Variants in ZNF521 observed in about 807,000 individuals in gnomAD.
The protein encoded by ZNF521 is zinc finger protein 521.
ZNF521 carries 14 observed loss-of-function variants against 105.5 expected under a neutral mutation model. The ratio of observed to expected loss-of-function variants is 0.13; its 90% CI spans 0.09 to 0.21. The LOEUF is 0.21. Ranked by LOEUF, ZNF521 falls within the 10% of genes least tolerant of loss-of-function variation. The pLI is 1.00. For missense variants in ZNF521, 1,233 were observed against 1,629.7 expected (o/e 0.76, Z 4.19); for synonymous variants, 635 against 606.0 (o/e 1.05, Z -0.70).
intron 5 of ZNF521, among the ~76,000 whole-genome samples, chr18:25,098,592 A>C (rs2033901888): frequency 6.6e-6 from 1 of 152,138 alleles, no homozygotes; most frequent in Admixed American, 6.5e-5. Context: ...ATTCTGGAAA[A>C]GGCAAGGGCA....
chr18:25,126,381 T>C (rs1206070811), intron 5 of ZNF521, among the ~76,000 whole-genome samples: 1 of 152,134 alleles, frequency 6.6e-6, no homozygotes, highest in Non-Finnish European at 1.5e-5. Flanking sequence ...CTCTGTGTTC[T>C]AGTTCCTCAA....
chr18:25,276,745 T>C (rs1051794301), intron 3 of ZNF521, among the ~76,000 whole-genome samples: 1 of 152,276 alleles, frequency 6.6e-6, no homozygotes, highest in Non-Finnish European at 1.5e-5. Flanking sequence ...CTTTCTATTT[T>C]GTATCTGTGA....
chr18:25,314,406 T>C (rs957762031), intron 3 of ZNF521, among the ~76,000 whole-genome samples: 1 of 152,188 alleles, frequency 6.6e-6, no homozygotes, highest in East Asian at 1.9e-4. Flanking sequence ...GGCCAAATAA[T>C]AAGGATATTC....
Position 25,062,878 on chromosome 18 carries a change from A to C in ZNF521, c.3907-137T>G. 2.3e-6 allele frequency: 2 copies of C among 858,068 alleles called. 1 individual carries two copies. The highest frequency in any genetic ancestry group is 3.4e-6 in the Non-Finnish European group (2 of 583,740). The allele number at this position is 858,068 out of a possible 1,614,324, so 53.2% of individuals were successfully genotyped here. On this transcript the variant is annotated intron_variant, in intron 7 of 7. Transcript: ENST00000361524. ...AATTCATAATGACTTGAACAGAACA[A>C]TGAGTTTCTGCCCTCTGATGAATAG... is the stretch of plus-strand genomic sequence containing the variant.
intron 7 of ZNF521, among the ~76,000 whole-genome samples, chr18:25,069,852 A>G (rs980451962): frequency 6.6e-6 from 1 of 152,176 alleles, no homozygotes; most frequent in African/African-American, 2.4e-5. Flanking sequence ...GCATTTCCAA[A>G]TTGTCATGTA....
chr18:25,169,519 A>C (rs528732929), intron 5 of ZNF521, among the ~76,000 whole-genome samples: 7 of 152,274 alleles, frequency 4.6e-5, no homozygotes, highest in Non-Finnish European at 5.9e-5. Context: ...TTGTGTTGAG[A>C]TTTGTCTTAC....
At position 25,114,996 on chromosome 18, in the gene ZNF521, TTA is replaced by T. The variant is rs374731905; in HGVS notation, c.3659-22917_3659-22916del. On this transcript the variant is annotated intron_variant, in intron 5 of 7. Coordinates refer to ENST00000361524, the MANE Select transcript of ZNF521 (RefSeq NM_015461.3). Reference sequence around the variant, plus strand: ...TTTTTCCTATGAATATTGTTTTCCTTTATAAATTTGCTGTTTTCTAATGGTGT... The same window carrying T: ...TTTTTCCTATGAATATTGTTTTCCTTTAAATTTGCTGTTTTCTAATGGTGT... 7.8e-4 allele frequency among the ~76,000 whole-genome samples: 119 copies of T among 152,318 alleles called. 3 individuals carry two copies. In the East Asian group the frequency reaches 0.018, roughly 23 times the overall value.
At chr18:25,286,579 G>GA (rs1281097985) in intron 3 of ZNF521, among the ~76,000 whole-genome samples, 4 of 152,040 alleles carry the variant, frequency 2.6e-5, no homozygotes, top group African/African-American at 7.2e-5. Flanking sequence ...CAAATGTTGA[G>GA]AAAAAACAAA....
At chr18:25,297,958 T>G (rs1356603961) in intron 3 of ZNF521, among the ~76,000 whole-genome samples, 1 of 152,168 alleles carries the variant, frequency 6.6e-6, no homozygotes, top group African/African-American at 2.4e-5. Context: ...TAATTGAGAC[T>G]CATTTACTCA....
At chr18:25,084,043 C>CAA (rs2144182805) in intron 7 of ZNF521, among the ~76,000 whole-genome samples, 1 of 143,998 alleles carries the variant, frequency 6.9e-6, no homozygotes, top group Admixed American at 7.3e-5. Flanking sequence ...CTCAGCCTCT[C>CAA]AAAGTGTTGG....
chr18:25,155,981 A>C (rs1439829030), intron 5 of ZNF521, among the ~76,000 whole-genome samples: 1 of 152,172 alleles, frequency 6.6e-6, no homozygotes, highest in African/African-American at 2.4e-5. Context: ...ATTAAGTTTA[A>C]AGGACATAAA....
At chr18:25,091,087 G>A (rs759366243) in intron 6 of ZNF521, among the ~76,000 whole-genome samples, 1 of 152,166 alleles carries the variant, frequency 6.6e-6, no homozygotes, top group Non-Finnish European at 1.5e-5. Context: ...TTCAGTGAAG[G>A]TAAATAATCA....
intron 2 of ZNF521, among the ~76,000 whole-genome samples, chr18:25,349,857 C>T (rs1487812914): frequency 6.7e-6 from 1 of 150,358 alleles, no homozygotes; most frequent in African/African-American, 2.4e-5. Context: ...CCGCCTCCAG[C>T]GCTGGCCCCC....
intron 3 of ZNF521, among the ~76,000 whole-genome samples, chr18:25,231,780 T>C (rs1906544338): frequency 6.6e-6 from 1 of 152,230 alleles, no homozygotes; most frequent in Non-Finnish European, 1.5e-5. Flanking sequence ...TCTTAATTTG[T>C]GTAGGACATA....
chr18:25,263,143 G>T (rs1223395969), intron 3 of ZNF521, among the ~76,000 whole-genome samples: 1 of 152,102 alleles, frequency 6.6e-6, no homozygotes, highest in Non-Finnish European at 1.5e-5. Flanking sequence ...CAAAACCAAG[G>T]TCAGAATGAG....
intron 7 of ZNF521, among the ~76,000 whole-genome samples, chr18:25,064,280 C>T (rs528317525): frequency 4.8e-5 from 7 of 144,706 alleles, no homozygotes; most frequent in Admixed American, 2.1e-4. Context: ...AGAAATGTCA[C>T]GGATACACCT....
intron 5 of ZNF521, among the ~76,000 whole-genome samples, chr18:25,191,182 T>C (rs1407935685): frequency 6.6e-6 from 1 of 152,128 alleles, no homozygotes; most frequent in Non-Finnish European, 1.5e-5. Flanking sequence ...TCTAGTCAGA[T>C]GAAAAAAATA....
At chr18:25,253,750 AT>A (rs1198407726) in intron 3 of ZNF521, among the ~76,000 whole-genome samples, 2 of 152,130 alleles carry the variant, frequency 1.3e-5, no homozygotes, top group East Asian at 3.9e-4. Context: ...TCAGCATGTA[AT>A]TTGCTCAGGT....
intron 3 of ZNF521, among the ~76,000 whole-genome samples, chr18:25,319,559 G>C (rs1280053386): frequency 6.6e-6 from 1 of 150,628 alleles, no homozygotes; most frequent in Non-Finnish European, 1.5e-5. Context: ...TCACGCCACT[G>C]CACTCCAGCC....
Sources: gnomAD v4.1 joint callset for allele counts (sites outside exome capture counted in the v4.1 genomes callset) on GRCh38, gnomAD v4.1.1 for gene constraint, MANE v1.5 for transcripts, NCBI Gene and HGNC (gene_info 2026-07-23, HGNC 2026-07-21) for gene names.